FGF12: variants seen among roughly 807,000 people sequenced by gnomAD.
FGF12 encodes fibroblast growth factor 12, also known as fibroblast growth factor 12B.
A neutral mutation model predicts 23.6 loss-of-function variants in FGF12; 14 were observed. That is an observed-to-expected ratio of 0.59 (90% CI 0.39 to 0.93). FGF12 has a LOEUF of 0.93. Ranked by LOEUF, FGF12 falls within the 40% of genes least tolerant of loss-of-function variation. The probability of loss-of-function intolerance (pLI) is 0.00; values close to 1 mark genes in which losing one functional copy is unlikely to be tolerated. For missense variants in FGF12, 175 were observed against 217.8 expected, an observed-to-expected ratio of 0.80 and a Z score of 1.24; for synonymous variants, 62 against 77.3, an observed-to-expected ratio of 0.80 and a Z score of 1.04.
chr3:192,573,195 C>T (rs972394534), intron 2 of FGF12, among the ~76,000 whole-genome samples: 1 of 151,072 alleles, frequency 6.6e-6, no homozygotes, highest in East Asian at 2.0e-4. Flanking sequence ...TCTGAACTGG[C>T]CTTAAAAATA....
At chr3:192,460,896 T>A (rs1722843639) in intron 2 of FGF12, among the ~76,000 whole-genome samples, 1 of 152,126 alleles carries the variant, frequency 6.6e-6, no homozygotes. Context: ...CATTTTTAAT[T>A]CCTATGTATT....
chr3:192,525,492 C>T (rs1724920155), intron 2 of FGF12, among the ~76,000 whole-genome samples: 1 of 152,182 alleles, frequency 6.6e-6, no homozygotes, highest in African/African-American at 2.4e-5. Context: ...ACATCCATCA[C>T]TTTATTCTTG....
intron 2 of FGF12, among the ~76,000 whole-genome samples, chr3:192,517,178 TC>T (rs1261815836): frequency 6.6e-6 from 1 of 152,236 alleles, no homozygotes; most frequent in Non-Finnish European, 1.5e-5. Flanking sequence ...ACATATGACC[TC>T]CTGAGCATCA....
At chr3:192,499,493 CATATATATAT>C (rs3043763) in intron 2 of FGF12, among the ~76,000 whole-genome samples, 22 of 26,200 alleles carry the variant, frequency 8.4e-4, no homozygotes, top group African/African-American at 3.9e-3. Context: ...TGCTAGCATC[CATATATATAT>C]ATATATATAT....
chr3:192,697,007 T>C (rs1052471353), intron 2 of FGF12, among the ~76,000 whole-genome samples: 1 of 152,144 alleles, frequency 6.6e-6, no homozygotes, highest in Non-Finnish European at 1.5e-5. Flanking sequence ...CCCCCCACAC[T>C]ACCCTGAAGA....
At chr3:192,451,034 G>A (rs936705652) in intron 2 of FGF12, among the ~76,000 whole-genome samples, 7 of 152,102 alleles carry the variant, frequency 4.6e-5, no homozygotes, top group African/African-American at 1.7e-4. Context: ...AGAATGATCT[G>A]TGCTTCTCTT....
intron 4 of FGF12, among the ~76,000 whole-genome samples, chr3:192,300,901 C>A (rs1328571641): frequency 6.6e-6 from 1 of 152,024 alleles, no homozygotes; most frequent in Non-Finnish European, 1.5e-5. Context: ...ACCTGTTACC[C>A]CAGCTACTTG....
intron 2 of FGF12, among the ~76,000 whole-genome samples, chr3:192,363,744 C>A (rs749944103): frequency 2.0e-5 from 3 of 151,974 alleles, no homozygotes; most frequent in African/African-American, 7.3e-5. Flanking sequence ...ATCTCCTTTA[C>A]GATGAGGAAA....
At chr3:192,432,620 C>CAAAAAAAAAAAAAAAAAA (rs201364119) in intron 2 of FGF12, among the ~76,000 whole-genome samples, 3 of 106,730 alleles carry the variant, frequency 2.8e-5, no homozygotes, top group Admixed American at 9.9e-5. Flanking sequence ...TGACATCTGG[C>CAAAAAAAAAAAAAAAAAA]AAAAAAAAAA....
At chr3:192,506,394 G>A (rs780369844) in intron 2 of FGF12, among the ~76,000 whole-genome samples, 7 of 152,030 alleles carry the variant, frequency 4.6e-5, no homozygotes, top group Admixed American at 6.6e-5. Context: ...GTTTTGAGAC[G>A]AAGTCTCCCT....
At chr3:192,343,463 T>C (rs538998519) in intron 3 of FGF12, among the ~76,000 whole-genome samples, 5 of 152,274 alleles carry the variant, frequency 3.3e-5, no homozygotes, top group South Asian at 2.1e-4. Flanking sequence ...ATATCTATAA[T>C]TATAATATTC....
intron 4 of FGF12, among the ~76,000 whole-genome samples, chr3:192,212,096 T>C (rs919409487): frequency 6.6e-6 from 1 of 152,220 alleles, no homozygotes; most frequent in Non-Finnish European, 1.5e-5. Context: ...GTTGCAACAC[T>C]GTCACTTATA....
chr3:192,349,332 T>A (rs981636501), intron 3 of FGF12, among the ~76,000 whole-genome samples: 1 of 152,086 alleles, frequency 6.6e-6, no homozygotes, highest in African/African-American at 2.4e-5. Flanking sequence ...AGTAAGGTAA[T>A]GAATTTCAGG....
chr3:192,206,101 C>A (rs1310837004), intron 4 of FGF12, among the ~76,000 whole-genome samples: 1 of 152,216 alleles, frequency 6.6e-6, no homozygotes, highest in Non-Finnish European at 1.5e-5. Context: ...TAGCAGCAGA[C>A]AGAACCAGGC....
At chr3:192,388,285 A>C (rs1202382875) in intron 2 of FGF12, among the ~76,000 whole-genome samples, 1 of 152,198 alleles carries the variant, frequency 6.6e-6, no homozygotes, top group African/African-American at 2.4e-5. Flanking sequence ...ATAATACATA[A>C]AACATAAGTG....
At chr3:192,682,101 A>G (rs1161921826) in intron 2 of FGF12, among the ~76,000 whole-genome samples, 2 of 152,166 alleles carry the variant, frequency 1.3e-5, no homozygotes, top group Non-Finnish European at 2.9e-5. Context: ...CTCTTTTATA[A>G]TAAGTTTCCT....
intron 2 of FGF12, among the ~76,000 whole-genome samples, chr3:192,645,051 T>C (rs1715951868): frequency 6.6e-6 from 1 of 152,182 alleles, no homozygotes; most frequent in Admixed American, 6.5e-5. Flanking sequence ...AAAAGTAGCA[T>C]ATTTCGGGGA....
intron 2 of FGF12, among the ~76,000 whole-genome samples, chr3:192,685,955 T>C (rs1194440696): frequency 6.6e-6 from 1 of 152,194 alleles, no homozygotes; most frequent in East Asian, 1.9e-4. Context: ...TCTCCATGAC[T>C]GACACTGAAC....
chr3:192,376,424 G>A (rs572637430), intron 2 of FGF12, among the ~76,000 whole-genome samples: 34 of 151,956 alleles, frequency 2.2e-4, no homozygotes, highest in Non-Finnish European at 3.4e-4. Flanking sequence ...GTGCAATGGC[G>A]TGATCTTGGC....
Sources: gnomAD v4.1 joint callset for allele counts (sites outside exome capture counted in the v4.1 genomes callset) on GRCh38, gnomAD v4.1.1 for gene constraint, MANE v1.5 for transcripts, NCBI Gene and HGNC (gene_info 2026-07-23, HGNC 2026-07-21) for gene names.